Variants in MYO7A observed in about 807,000 individuals in gnomAD.
MYO7A encodes the protein myosin VIIA.
MYO7A carries 210 observed loss-of-function variants against 263.8 expected under a neutral mutation model. The observed-to-expected ratio is 0.80, with a 90% confidence interval of 0.71 to 0.89. The LOEUF is 0.89. Ranked by LOEUF, MYO7A falls within the 40% of genes least tolerant of loss-of-function variation. MYO7A has a pLI of 0.00. For synonymous variants in MYO7A, 1,239 were observed against 1,197.3 expected (o/e 1.03, Z -0.72); for missense variants, 2,820 against 2,968.3 (o/e 0.95, Z 1.16).
At chr11:77,211,415 A>C in intron 45 of MYO7A, 78 bp downstream of exon 45, 1 of 1,427,842 alleles carries the variant, frequency 7.0e-7, no homozygotes, top group Non-Finnish European at 9.4e-7. Flanking sequence ...GGGGGCAGAC[A>C]CTGGCCAGCA....
Position 77,214,737 on chromosome 11 carries a change from G to C in MYO7A, c.*41G>C. The C allele has an allele frequency of 6.8e-7, 1 of 1,468,042 alleles. No individual in the cohort carries two copies. Among genetic ancestry groups the C allele is most frequent in the Non-Finnish European group, 9.3e-7 (1 of 1,071,312 alleles). 90.9% of individuals were successfully genotyped at this position (1,468,042 alleles called of 1,614,324 possible). A position where few individuals can be genotyped will look rare whatever the true frequency, so the allele number is the denominator to read the frequency against. On this transcript the variant is annotated 3_prime_UTR_variant, in exon 49 of 49. Coordinates refer to ENST00000409709, the MANE Select transcript of MYO7A (RefSeq NM_000260.4). ...TGCTGGTTCCATGCCTGCTCTCGAG[G>C]CAGCAGTGGGTTCAGGCCCATCAGC...
chr11:77,172,802 C>G lies in MYO7A; in HGVS notation c.1852C>G (p.Leu618Val), dbSNP rs1450279958. 8 of 1,556,584 alleles carry G rather than the reference C, an allele frequency of 5.1e-6. No individual in the cohort carries two copies. In the African/African-American group the frequency reaches 1.1e-4, roughly 21 times the overall value. ...PTLSSQFKRSLELLMRTLGAC... is the reference protein window; with the variant it reads ...PTLSSQFKRSVELLMRTLGAC... ...ACTTAGCAGCCAGTTCAAGCGGTCA[C>G]TGGAGCTGCTGATGCGCACGCTGGG... Residue 618 changes from leucine to valine, a missense_variant, in exon 16 of 49, where the codon CTG becomes GTG. Coordinates refer to ENST00000409709, the MANE Select transcript of MYO7A (RefSeq NM_000260.4).
intron 26 of MYO7A, among the ~76,000 whole-genome samples, chr11:77,183,854 A>C (rs1344195500): frequency 6.6e-6 from 1 of 152,120 alleles, no homozygotes; most frequent in African/African-American, 2.4e-5. Context: ...TCCCCACCTG[A>C]GGCACAAATC....
intron 37 of MYO7A, 54 bp downstream of exon 37, chr11:77,202,478 C>A (rs1040388990): frequency 7.8e-6 from 12 of 1,531,818 alleles, no homozygotes; most frequent in Non-Finnish European, 1.1e-5. Flanking sequence ...TGCAGGCTTC[C>A]GCTACTGTCT....
At chr11:77,131,077 G>A (rs999067185) in intron 2 of MYO7A, among the ~76,000 whole-genome samples, 43 of 152,274 alleles carry the variant, frequency 2.8e-4, no homozygotes, top group African/African-American at 9.9e-4. Context: ...TTGAGCTGGA[G>A]CCCCCTGGGA....
intron 4 of MYO7A, among the ~76,000 whole-genome samples, chr11:77,150,059 C>G: frequency 6.6e-6 from 1 of 152,214 alleles, no homozygotes. Flanking sequence ...CTTAGGTGAG[C>G]AGGGAGCCTG....
intron 11 of MYO7A, among the ~76,000 whole-genome samples, chr11:77,160,761 A>G (rs1029972429): frequency 3.9e-5 from 6 of 152,166 alleles, no homozygotes; most frequent in Non-Finnish European, 7.3e-5. Flanking sequence ...AGGAGCTGTT[A>G]TCTCAACAGA....
chr11:77,172,755 A>G lies in MYO7A; in HGVS notation c.1805A>G (p.Glu602Gly). ...IFQADVAMGA[E>G]TRKRSPTLSS... is the part of the protein sequence containing the mutation. ...TGCCGTCCGTCCCCCCAGGGCGCCG[A>G]GACCAGGAAGCGCTCGCCCACACTT... The change falls in exon 16 of 49, where the codon GAG becomes GGG. Residue 602 changes from glutamate (E) to glycine (G), a missense_variant. By Grantham distance (98) the Glu-to-Gly change is moderately conservative. Coordinates refer to ENST00000409709, the MANE Select transcript of MYO7A (RefSeq NM_000260.4). 1 of 1,557,358 alleles carries G rather than the reference A, an allele frequency of 6.4e-7. No individual in the cohort carries two copies. Among genetic ancestry groups the G allele is most frequent in the Non-Finnish European group, 8.7e-7 (1 of 1,151,316 alleles).
chr11:77,204,342 A>G, intron 39 of MYO7A, 113 bp downstream of exon 39: 1 of 1,412,842 alleles, frequency 7.1e-7, no homozygotes, highest in Non-Finnish European at 9.6e-7. Context: ...TTCCTCACAC[A>G]GAGCCGGGAG....
At chr11:77,157,800 G>GCA (rs1271081651) in intron 8 of MYO7A, among the ~76,000 whole-genome samples, 4 of 152,104 alleles carry the variant, frequency 2.6e-5, no homozygotes, top group African/African-American at 7.2e-5. Context: ...GCACACACGT[G>GCA]CACACACACA....
At chr11:77,157,597 C>G (rs538459074) in intron 8 of MYO7A, among the ~76,000 whole-genome samples, 1 of 152,128 alleles carries the variant, frequency 6.6e-6, no homozygotes, top group African/African-American at 2.4e-5. Context: ...GGCACGCACA[C>G]GGCAGGCTGG....
intron 39 of MYO7A, 66 bp from the exon 40 acceptor site, chr11:77,205,396 G>A: frequency 6.6e-7 from 1 of 1,516,614 alleles, no homozygotes. Context: ...CCTCACCCGG[G>A]GGTGCACAGG....
At chr11:77,161,801 C>T (rs1555068969) in intron 12 of MYO7A, among the ~76,000 whole-genome samples, 1 of 152,214 alleles carries the variant, frequency 6.6e-6, no homozygotes, top group African/African-American at 2.4e-5. Flanking sequence ...CAGGCATCTG[C>T]CTGGGGTTTG....
chr11:77,178,453 T>A (rs1317396518), intron 19 of MYO7A, among the ~76,000 whole-genome samples: 2 of 103,744 alleles, frequency 1.9e-5, no homozygotes, highest in Non-Finnish European at 4.2e-5. Context: ...GTTGCTCATT[T>A]GCTTATGTGT....
chr11:77,163,156 G>A (rs138305894), intron 14 of MYO7A, among the ~76,000 whole-genome samples, 168 bp downstream of exon 14: 196 of 151,884 alleles, frequency 1.3e-3, no homozygotes, highest in Non-Finnish European at 1.8e-3. Flanking sequence ...GGATTCAGTG[G>A]CACTAAGTAC....
intron 12 of MYO7A, among the ~76,000 whole-genome samples, chr11:77,161,645 C>T (rs189412674): frequency 3.1e-4 from 47 of 152,344 alleles, no homozygotes; most frequent in South Asian, 1.2e-3. Flanking sequence ...CACCCACACT[C>T]AACATACTGG....
At chr11:77,199,099 C>T (rs897064002) in intron 34 of MYO7A, among the ~76,000 whole-genome samples, 28 of 152,304 alleles carry the variant, frequency 1.8e-4, no homozygotes, top group African/African-American at 6.5e-4. Flanking sequence ...GTGGCTCCCT[C>T]CTCCACCATC....
intron 4 of MYO7A, among the ~76,000 whole-genome samples, chr11:77,150,995 C>T (rs1555056882): frequency 8.5e-5 from 13 of 152,198 alleles, no homozygotes; most frequent in East Asian, 1.9e-4. Flanking sequence ...GGATTTCCTC[C>T]GATTACCATG....
rs1950988608 is a variant in MYO7A at position 77,138,263 on chromosome 11, G to A, written c.19-4446G>A. Among the ~76,000 whole-genome samples, 1 of 143,778 alleles carries A rather than the reference G, an allele frequency of 7.0e-6. No homozygotes were observed. The highest frequency in any genetic ancestry group is 2.2e-4 in the South Asian group (1 of 4,554). 94.3% of individuals were successfully genotyped at this position (143,778 alleles called of 152,430 possible). A position where few individuals can be genotyped will look rare whatever the true frequency, so the allele number is the denominator to read the frequency against. Reference sequence around the variant, plus strand: ...GGGGCGGGCGGCGCGCACGGGATTAGGTGAATTAGGGAGCCGGAGCAGTGC... The same window carrying A: ...GGGGCGGGCGGCGCGCACGGGATTAAGTGAATTAGGGAGCCGGAGCAGTGC... On this transcript the variant is annotated intron_variant, in intron 2 of 48. Coordinates refer to ENST00000409709, the MANE Select transcript of MYO7A (RefSeq NM_000260.4). This position sits in a 1 kb window ranked among gnomAD's most constrained non-coding sequence, Gnocchi z 4.9.
Sources: gnomAD v4.1 joint callset for allele counts (sites outside exome capture counted in the v4.1 genomes callset) on GRCh38, gnomAD v4.1.1 for gene constraint, Gnocchi (gnomAD v3.1) non-coding constraint, MANE v1.5 for transcripts, NCBI Gene and HGNC (gene_info 2026-07-23, HGNC 2026-07-21) for gene names.